SMG6: variants seen among roughly 807,000 people sequenced by gnomAD.
SMG6 encodes SMG6 nonsense mediated mRNA decay factor.
SMG6 carries 66 observed loss-of-function variants against 142.2 expected under a neutral mutation model. The ratio of observed to expected loss-of-function variants is 0.46; its 90% confidence interval spans 0.38 to 0.57. The LOEUF (loss-of-function observed/expected upper bound fraction) is 0.57, where lower values mean the gene tolerates loss of function less well. Among genes scored for constraint, SMG6 ranks in the 20% least tolerant of loss-of-function variants. The probability of loss-of-function intolerance (pLI) is 0.00; values close to 1 mark genes in which losing one functional copy is unlikely to be tolerated. For missense variants in SMG6, 1,793 were observed against 1,832.0 expected (o/e 0.98, Z 0.39); for synonymous variants, 779 against 702.4 (o/e 1.11, Z -1.72).
chr17:2,086,961 C>T (rs1227899185), intron 13 of SMG6: 1 of 1,268,866 alleles, frequency 7.9e-7, no homozygotes, highest in East Asian at 5.6e-5. Flanking sequence ...GGGACGGCCC[C>T]TTCATCCTCA....
chr17:2,271,397 A>T (rs1313254648), intron 8 of SMG6, among the ~76,000 whole-genome samples: 1 of 150,766 alleles, frequency 6.6e-6, no homozygotes, highest in Non-Finnish European at 1.5e-5. Context: ...AGCCAAGTCC[A>T]GGAGTTTGAA....
chr17:2,219,246 G>A (rs1485874383), intron 10 of SMG6, among the ~76,000 whole-genome samples: 1 of 152,028 alleles, frequency 6.6e-6, no homozygotes, highest in African/African-American at 2.4e-5. Flanking sequence ...TTAGCCACGC[G>A]TGGTGGCGGG....
In SMG6 at chr17:2,085,145, C is replaced by T. The variant is rs534626826; in HGVS notation, c.3534+580G>A. 1.6e-4 allele frequency among the ~76,000 whole-genome samples: 25 copies of T among 152,062 alleles called. No individual in the cohort carries two copies. The highest frequency in any genetic ancestry group is 2.8e-4 in the Non-Finnish European group (19 of 67,962). On this transcript the variant is annotated intron_variant, in intron 14 of 18. Coordinates refer to ENST00000263073, the MANE Select transcript of SMG6 (RefSeq NM_017575.5). The surrounding 1 kb of genome is among the most constrained non-coding windows in gnomAD (Gnocchi z 4.1). ...GCGCGTGCGCACACACACACACAGACGCGCACACACACACACAGACACACA... is the reference window on the plus strand; with the variant it reads ...GCGCGTGCGCACACACACACACAGATGCGCACACACACACACAGACACACA...
intron 1 of SMG6, among the ~76,000 whole-genome samples, chr17:2,301,369 C>T (rs889172079): frequency 1.3e-5 from 2 of 152,142 alleles, no homozygotes; most frequent in African/African-American, 4.8e-5. Context: ...CACAGAGTTA[C>T]CAAAATACTG....
At chr17:2,283,879 T>C (rs1261155615) in intron 6 of SMG6, 144 bp from the exon 7 acceptor site, 6 of 639,782 alleles carry the variant, frequency 9.4e-6, no homozygotes, top group Non-Finnish European at 2.8e-6. Flanking sequence ...AGAAATGCTA[T>C]CCACAGGAGA....
chr17:2,228,874 ATG>A (rs1411358194), intron 10 of SMG6, among the ~76,000 whole-genome samples: 1 of 152,096 alleles, frequency 6.6e-6, no homozygotes, highest in East Asian at 1.9e-4. Flanking sequence ...TGGTAGTTAC[ATG>A]TGTGTTTACT....
At chr17:2,199,973 G>C (rs2072464621) in intron 10 of SMG6, 1 of 151,166 alleles carries the variant, frequency 6.6e-6, no homozygotes, top group South Asian at 2.1e-4. Context: ...CCAGGCTGGA[G>C]TGTAGTGGTA....
chr17:2,203,065 C>T (rs2072580504), intron 10 of SMG6, among the ~76,000 whole-genome samples: 1 of 152,338 alleles, frequency 6.6e-6, no homozygotes, highest in East Asian at 1.9e-4. Flanking sequence ...AAACCATCTA[C>T]TCTCTACAAG....
At chr17:2,204,333 T>C (rs1364732725) in intron 10 of SMG6, among the ~76,000 whole-genome samples, 1 of 152,176 alleles carries the variant, frequency 6.6e-6, no homozygotes, top group African/African-American at 2.4e-5. Context: ...ATAAGACCAA[T>C]GATAAGGCAC....
intron 10 of SMG6, among the ~76,000 whole-genome samples, chr17:2,235,098 C>T (rs1311173486): frequency 1.3e-5 from 2 of 152,152 alleles, no homozygotes; most frequent in Admixed American, 6.5e-5. Context: ...CTGTCCCTCC[C>T]CTTTGGGCCT....
At chr17:2,268,841 G>A (rs1395940454) in intron 8 of SMG6, among the ~76,000 whole-genome samples, 1 of 151,492 alleles carries the variant, frequency 6.6e-6, no homozygotes, top group East Asian at 1.9e-4. Flanking sequence ...GAACCCGGGA[G>A]ACAGACCTGG....
chr17:2,184,702 C>A (rs2071919587), intron 12 of SMG6, among the ~76,000 whole-genome samples: 1 of 144,686 alleles, frequency 6.9e-6, no homozygotes, highest in Non-Finnish European at 1.5e-5. Context: ...GTGGTTCATG[C>A]GCCTGTAATC....
In SMG6 at chr17:2,277,340, G is replaced by T. The variant is rs558472823; in HGVS notation, c.2661+5307C>A. ...TGCCACCATGCCCGGCTAACTTTTTGTATTTTTAGTAGAGACGAGGTTTCA... is the reference window on the plus strand; with the variant it reads ...TGCCACCATGCCCGGCTAACTTTTTTTATTTTTAGTAGAGACGAGGTTTCA... On this transcript the variant is annotated intron_variant, in intron 8 of 18. Coordinates refer to ENST00000263073, the MANE Select transcript of SMG6 (RefSeq NM_017575.5). Among the ~76,000 whole-genome samples, 19 of 151,706 alleles carry T rather than the reference G, an allele frequency of 1.3e-4. No individual in the cohort carries two copies. The East Asian group carries it at 3.7e-3, about 29-fold the overall frequency.
intron 13 of SMG6, among the ~76,000 whole-genome samples, chr17:2,125,866 T>A (rs558703772): frequency 6.7e-6 from 1 of 149,114 alleles, no homozygotes; most frequent in African/African-American, 2.5e-5. Flanking sequence ...GGCACAAGAA[T>A]CGCTTGAACC....
chr17:2,159,181 G>A (rs1184290039), intron 13 of SMG6, among the ~76,000 whole-genome samples: 1 of 152,158 alleles, frequency 6.6e-6, no homozygotes, highest in Non-Finnish European at 1.5e-5. Context: ...AGCACTTTGG[G>A]AGGCCGAGGC....
chr17:2,125,074 A>G (rs932134435), intron 13 of SMG6, among the ~76,000 whole-genome samples: 3 of 152,214 alleles, frequency 2.0e-5, no homozygotes, highest in African/African-American at 7.2e-5. Flanking sequence ...AAATAGGAAG[A>G]GGCAGAAGGA....
intron 13 of SMG6, among the ~76,000 whole-genome samples, chr17:2,128,193 G>A (rs2069966389): frequency 6.6e-6 from 1 of 152,220 alleles, no homozygotes; most frequent in Admixed American, 6.5e-5. Context: ...TCCAGCCAGT[G>A]GGGCGGCATA....
intron 6 of SMG6, among the ~76,000 whole-genome samples, chr17:2,288,726 T>G (rs990722935): frequency 1.4e-5 from 2 of 147,528 alleles, no homozygotes; most frequent in African/African-American, 2.5e-5. Flanking sequence ...AGCTCAGGAG[T>G]TCAAGACCAG....
chr17:2,220,571 A>C (rs1398011532), intron 10 of SMG6, among the ~76,000 whole-genome samples: 1 of 152,210 alleles, frequency 6.6e-6, no homozygotes, highest in Non-Finnish European at 1.5e-5. Flanking sequence ...TCGAGGCTGC[A>C]GTGAGCTATG....
Sources: gnomAD v4.1 joint callset for allele counts (sites outside exome capture counted in the v4.1 genomes callset) on GRCh38, gnomAD v4.1.1 for gene constraint, Gnocchi (gnomAD v3.1) non-coding constraint, MANE v1.5 for transcripts, NCBI Gene and HGNC (gene_info 2026-07-23, HGNC 2026-07-21) for gene names.